The following EDA variants were observed in gnomAD, a reference collection of about 807,000 sequenced individuals.
EDA encodes the protein ectodysplasin-A.
In EDA, 2 loss-of-function variants were observed where a neutral mutation model predicts 23.6. That is an observed-to-expected ratio of 0.08 (90% CI 0.03 to 0.27). The LOEUF (loss-of-function observed/expected upper bound fraction) is 0.27. EDA is among the 10% of genes least tolerant of loss of function. EDA has a pLI of 1.00. For missense variants in EDA, 229 were observed against 324.2 expected (o/e 0.71, Z 2.26); for synonymous variants, 131 against 132.0 (o/e 0.99, Z 0.05).
At chrX:69,678,938 G>T (rs1220899255) in intron 1 of EDA, among the ~76,000 whole-genome samples, 3 of 90,573 alleles carry the variant, frequency 3.3e-5, no homozygotes, top group African/African-American at 1.3e-4. Context: ...TGCCCATTCA[G>T]TATGATATTG....
chrX:69,907,233 T>C, intron 1 of EDA, among the ~76,000 whole-genome samples: 1 of 112,120 alleles, frequency 8.9e-6, no homozygotes, highest in Non-Finnish European at 1.9e-5. Context: ...GCTTTCAAAG[T>C]TGAATACTCC....
In EDA at chrX:69,931,431, C is replaced by A. The variant is rs747520970; in HGVS notation, c.397-25596C>A. ...GGACAATGGTGGATATCTGTAATCC[C>A]AACTACTTGGGAGGCTGAGGTAACA... On this transcript the variant is annotated intron_variant, in intron 1 of 7. Transcript: ENST00000374552. Among the ~76,000 whole-genome samples the A allele has an allele frequency of 5.4e-5, 6 of 111,377 alleles. No homozygotes were observed. In the East Asian group the frequency reaches 1.7e-3, roughly 31 times the overall value.
intron 1 of EDA, among the ~76,000 whole-genome samples, chrX:69,754,703 CA>C (rs2014035696): frequency 8.9e-6 from 1 of 111,767 alleles, no homozygotes; most frequent in South Asian, 3.7e-4. Context: ...GTACAGCAAT[CA>C]GTCATAGATT....
chrX:69,864,064 TCTCA>T (rs2017445374), intron 1 of EDA, among the ~76,000 whole-genome samples: 1 of 111,657 alleles, frequency 9.0e-6, no homozygotes, highest in Non-Finnish European at 1.9e-5. Flanking sequence ...TCTCTCTCTC[TCTCA>T]GTGTTGTTAT....
chrX:69,821,705 A>G (rs1046862626), intron 1 of EDA, among the ~76,000 whole-genome samples: 4 of 112,137 alleles, frequency 3.6e-5, no homozygotes, highest in African/African-American at 1.3e-4. Context: ...CAGATATGCC[A>G]GCAAGTGGTT....
At chrX:69,624,540 A>G (rs1932303755) in intron 1 of EDA, among the ~76,000 whole-genome samples, 1 of 111,459 alleles carries the variant, frequency 9.0e-6, no homozygotes, top group Admixed American at 9.5e-5. Context: ...GAAAGGATTT[A>G]TACTCACTTC....
At chrX:69,777,144 T>TTTGTTG (rs140366037) in intron 1 of EDA, among the ~76,000 whole-genome samples, 1,998 of 106,807 alleles carry the variant, frequency 0.019, 56 homozygotes, top group African/African-American at 0.064. Context: ...GATTCTGGGT[T>TTTGTTG]TTGTTGTTGT....
intron 1 of EDA, among the ~76,000 whole-genome samples, chrX:69,649,583 TAC>T (rs1933035055): frequency 9.7e-6 from 1 of 102,636 alleles, no homozygotes; most frequent in African/African-American, 3.7e-5. Context: ...GTATGTGAAA[TAC>T]AGTCTTTTTT....
chrX:69,696,482 C>T (rs1055449608), intron 1 of EDA, among the ~76,000 whole-genome samples: 3 of 111,630 alleles, frequency 2.7e-5, no homozygotes, highest in African/African-American at 9.8e-5. Context: ...TTTGGTTTCT[C>T]ATTTTGGAAC....
At chrX:69,653,196 C>T (rs1339918442) in intron 1 of EDA, among the ~76,000 whole-genome samples, 2 of 111,322 alleles carry the variant, frequency 1.8e-5, no homozygotes, top group Non-Finnish European at 3.8e-5. Context: ...CCTTCACATC[C>T]CTTGTAAGTT....
chrX:69,945,833 G>T (rs1165733713), intron 1 of EDA, among the ~76,000 whole-genome samples: 2 of 111,676 alleles, frequency 1.8e-5, no homozygotes, highest in African/African-American at 3.3e-5. Context: ...CTGGATTCCA[G>T]TCAGTAGCCA....
In EDA at chrX:69,616,517, G is replaced by C. The variant is rs1931949033; in HGVS notation, c.209G>C (p.Arg70Pro). 1 of 1,211,801 alleles carries C rather than the reference G, an allele frequency of 8.3e-7. No homozygotes were observed. Among genetic ancestry groups the C allele is most frequent in the Non-Finnish European group, 1.1e-6 (1 of 895,396 alleles). The change falls in exon 1 of 8, where the codon CGG becomes CCG. Residue 70 changes from arginine (R) to proline (P), a missense_variant. Arg to Pro is a moderately radical substitution (Grantham distance 103). Around this residue, in one of 2 missense-constraint regions of EDA, gnomAD observed 175 missense variants for 281.8 expected, o/e 0.62. Coordinates refer to ENST00000374552, the MANE Select transcript of EDA (RefSeq NM_001399.5). ...CTAGAGTTGCGCTCGGAGTTGCGGCGGGAACGTGGAGCCGAGTCCCGCCTT... is the reference window on the plus strand; with the variant it reads ...CTAGAGTTGCGCTCGGAGTTGCGGCCGGAACGTGGAGCCGAGTCCCGCCTT... Reference protein sequence around the residue: ...CYLELRSELRRERGAESRLGG... With the variant: ...CYLELRSELRPERGAESRLGG...
At chrX:69,739,691 T>C (rs2013386649) in intron 1 of EDA, among the ~76,000 whole-genome samples, 1 of 111,208 alleles carries the variant, frequency 9.0e-6, no homozygotes. Context: ...ACCATATATG[T>C]CTTAATTTAT....
intron 1 of EDA, among the ~76,000 whole-genome samples, chrX:69,735,946 A>G (rs558355676): frequency 1.6e-4 from 18 of 110,713 alleles, no homozygotes; most frequent in African/African-American, 5.9e-4. Flanking sequence ...ATTGTCACCA[A>G]TCATGCCACT....
chrX:69,949,819 G>A (rs2018887551), intron 1 of EDA, among the ~76,000 whole-genome samples: 1 of 111,679 alleles, frequency 9.0e-6, no homozygotes, highest in Admixed American at 9.5e-5. Flanking sequence ...CTTGTGAATG[G>A]GTTTAAGGTC....
chrX:69,683,362 C>A (rs956007586), intron 1 of EDA, among the ~76,000 whole-genome samples: 9 of 111,290 alleles, frequency 8.1e-5, no homozygotes, highest in African/African-American at 2.0e-4. Flanking sequence ...GTGAAATGAA[C>A]AATTGCAGTT....
At chrX:69,877,958 A>G (rs1338624755) in intron 1 of EDA, among the ~76,000 whole-genome samples, 1 of 112,699 alleles carries the variant, frequency 8.9e-6, no homozygotes, top group Non-Finnish European at 1.9e-5. Context: ...TTTGTCAAAA[A>G]GCAATTGACC....
intron 1 of EDA, among the ~76,000 whole-genome samples, chrX:69,892,713 T>A (rs554424138): frequency 8.9e-6 from 1 of 112,033 alleles, no homozygotes; most frequent in South Asian, 3.7e-4. Flanking sequence ...AGGTTGAACT[T>A]TTCTTGAAAA....
At chrX:69,660,554 A>G (rs1167912030) in intron 1 of EDA, among the ~76,000 whole-genome samples, 2 of 101,902 alleles carry the variant, frequency 2.0e-5, no homozygotes, top group Non-Finnish European at 3.9e-5. Flanking sequence ...AAGTGTTCTC[A>G]TTGTTCAATT....
Sources: allele counts gnomAD v4.1 joint callset (sites outside exome capture counted in the v4.1 genomes callset), GRCh38; gene constraint gnomAD v4.1.1; regional missense constraint gnomAD v4.1.1; transcripts MANE v1.5; gene names NCBI Gene and HGNC (gene_info 2026-07-23, HGNC 2026-07-21).